The following GPHN variants were observed in gnomAD, a reference collection of about 807,000 sequenced individuals.
GPHN encodes gephyrin.
In GPHN, 17 loss-of-function variants were observed where a neutral mutation model predicts 95.5. That is an observed-to-expected ratio of 0.18 (90% CI 0.12 to 0.27). The LOEUF (loss-of-function observed/expected upper bound fraction) is 0.27, where lower values mean the gene tolerates loss of function less well. GPHN is among the 10% of genes least tolerant of loss of function. The pLI, the probability that GPHN is intolerant of heterozygous loss-of-function variation, is 1.00. For missense variants in GPHN, 660 were observed against 978.1 expected, an observed-to-expected ratio of 0.67 and a Z score of 4.34; for synonymous variants, 320 against 322.5, an observed-to-expected ratio of 0.99 and a Z score of 0.08.
At position 66,658,613 on chromosome 14, in the gene GPHN, G is replaced by A. The variant is rs192194181; in HGVS notation, c.65-22494G>A. Among the ~76,000 whole-genome samples the A allele has an allele frequency of 3.0e-3, 453 of 152,206 alleles. 7 individuals are homozygous for A. The highest frequency in any genetic ancestry group is 4.3e-3 in the Non-Finnish European group (295 of 67,998). ...CAAAAACTTTACATCTCATTGAAGG[G>A]TTAGATGGTCATTAGCATTTTTTGC... is the stretch of plus-strand genomic sequence containing the variant. On this transcript the variant is annotated intron_variant, in intron 1 of 22. Coordinates refer to ENST00000478722, the MANE Select transcript of GPHN (RefSeq NM_020806.5).
chr14:66,924,868 C>CA (rs902746081), intron 8 of GPHN, among the ~76,000 whole-genome samples: 6 of 149,348 alleles, frequency 4.0e-5, no homozygotes, highest in African/African-American at 1.5e-4. Context: ...TGATAGCTTG[C>CA]AAAAAAATGC....
At chr14:67,448,523 C>T in the GPHN span, among the ~76,000 whole-genome samples, 3 of 152,052 alleles carry the variant, frequency 2.0e-5, no homozygotes, top group African/African-American at 7.2e-5. Flanking sequence ...ACCAGCTGGC[C>T]TTGGGAACAG....
the GPHN span, among the ~76,000 whole-genome samples, chr14:67,509,525 C>T: frequency 6.6e-6 from 1 of 152,074 alleles, no homozygotes; most frequent in Admixed American, 6.6e-5. Context: ...CACCATGTTG[C>T]TCAGGCTGGT....
chr14:67,020,257 G>A (rs1038578202), intron 9 of GPHN, among the ~76,000 whole-genome samples: 1 of 151,980 alleles, frequency 6.6e-6, no homozygotes, highest in African/African-American at 2.4e-5. Flanking sequence ...TTTCATGTTG[G>A]GCTGAAAAAG....
intron 4 of GPHN, among the ~76,000 whole-genome samples, chr14:66,867,127 A>C (rs1278542389): frequency 6.6e-6 from 1 of 152,142 alleles, no homozygotes; most frequent in East Asian, 1.9e-4. Flanking sequence ...CCAGGAATTG[A>C]AGAAGATGTA....
chr14:67,469,368 C>T, the GPHN span, among the ~76,000 whole-genome samples: 1 of 151,796 alleles, frequency 6.6e-6, no homozygotes, highest in Non-Finnish European at 1.5e-5. Context: ...CCTCCAAATC[C>T]TGGGCTCACG....
rs926924833 is a variant in GPHN, at chr14:67,180,967, A to T, written c.*30A>T. ...CACCAGCAGGAGAAAGCTTTGATGC[A>T]TGTCCACATATCATTGACTGTATCC... is the stretch of plus-strand genomic sequence containing the variant. On this transcript the variant is annotated 3_prime_UTR_variant, in exon 23 of 23. Coordinates refer to ENST00000478722, the MANE Select transcript of GPHN (RefSeq NM_020806.5). 6.2e-7 allele frequency: 1 copy of T among 1,610,334 alleles called. No individual in the cohort carries two copies. Among genetic ancestry groups the T allele is most frequent in the Admixed American group, 1.7e-5 (1 of 59,954 alleles).
the GPHN span, chr14:67,573,295 G>A: frequency 6.2e-7 from 1 of 1,612,818 alleles, no homozygotes; most frequent in Non-Finnish European, 8.5e-7. This position sits in a 1 kb window ranked among gnomAD's most constrained non-coding sequence, Gnocchi z 4.8. Context: ...GAGAAGTCGG[G>A]CTACCTGCTG....
the GPHN span, among the ~76,000 whole-genome samples, chr14:67,581,301 A>C: frequency 5.6e-5 from 8 of 142,088 alleles, no homozygotes; most frequent in African/African-American, 2.0e-4. Context: ...CACACACACA[A>C]ACATCTGCCA....
chr14:67,201,595 A>C, the GPHN span: 1 of 453,434 alleles, frequency 2.2e-6, no homozygotes, highest in South Asian at 1.6e-5. Context: ...GCCACTGCTG[A>C]AACCAGTCAC....
chr14:67,115,318 A>C (rs1011248252), intron 16 of GPHN, among the ~76,000 whole-genome samples: 3 of 150,294 alleles, frequency 2.0e-5, no homozygotes, highest in African/African-American at 7.3e-5. Flanking sequence ...AAACAATAGC[A>C]AAAAAAAAAT....
the GPHN span, chr14:67,348,835 A>T: frequency 1.9e-6 from 1 of 530,502 alleles, no homozygotes; most frequent in Non-Finnish European, 3.3e-6. Flanking sequence ...CTGCCTTCTT[A>T]AGTGTTCACT....
chr14:66,606,062 T>G (rs2062518407), intron 1 of GPHN, among the ~76,000 whole-genome samples: 1 of 152,174 alleles, frequency 6.6e-6, no homozygotes, highest in African/African-American at 2.4e-5. Context: ...CATAAATTCT[T>G]TGCCAAACCT....
intron 8 of GPHN, among the ~76,000 whole-genome samples, chr14:66,955,586 A>G (rs1379396345): frequency 1.3e-5 from 2 of 152,170 alleles, no homozygotes. Context: ...GTTCTAGGGT[A>G]CATGTGCACA....
At chr14:67,102,743 A>G (rs2077784782) in intron 13 of GPHN, among the ~76,000 whole-genome samples, 1 of 152,216 alleles carries the variant, frequency 6.6e-6, no homozygotes, top group South Asian at 2.1e-4. Flanking sequence ...AGTTTGGCAA[A>G]CGCTATGTTC....
chr14:67,596,568 T>C, the GPHN span, among the ~76,000 whole-genome samples: 2 of 152,182 alleles, frequency 1.3e-5, no homozygotes, highest in African/African-American at 2.4e-5. Flanking sequence ...ACTGACAAGA[T>C]GCCCTCCTTT....
chr14:67,317,497 G>T, the GPHN span: 1 of 1,545,826 alleles, frequency 6.5e-7, no homozygotes, highest in Non-Finnish European at 8.9e-7. Context: ...CTACTCTCAG[G>T]GATAGGTGGA....
intron 1 of GPHN, among the ~76,000 whole-genome samples, chr14:66,522,890 G>C (rs1240881610): frequency 6.6e-6 from 1 of 151,660 alleles, no homozygotes. Flanking sequence ...ACCAGTCTTG[G>C]TTCTGTTACC....
rs1228873798 is a variant in GPHN at position 67,035,905 on chromosome 14, T to G, written c.1006+12230T>G. On this transcript the variant is annotated intron_variant, in intron 10 of 22. Coordinates refer to ENST00000478722, the MANE Select transcript of GPHN (RefSeq NM_020806.5). ...AGAAGGAATACTTCCAAAATAAATT[T>G]ATTAGGCAACATTACCCTGATACGA... Among the ~76,000 whole-genome samples the G allele has an allele frequency of 2.0e-5, 3 of 151,710 alleles. No individual in the cohort carries two copies. The East Asian group carries it at 5.8e-4, about 29-fold the overall frequency.
Sources: allele counts gnomAD v4.1 joint callset (sites outside exome capture counted in the v4.1 genomes callset), GRCh38; gene constraint gnomAD v4.1.1; non-coding constraint Gnocchi (gnomAD v3.1); transcripts MANE v1.5; gene names NCBI Gene and HGNC (gene_info 2026-07-23, HGNC 2026-07-21).